The following PCDH15 variants were observed in gnomAD, a reference collection of about 807,000 sequenced individuals.
The protein encoded by PCDH15 is protocadherin-15.
PCDH15 carries 129 observed loss-of-function variants against 178.5 expected under a neutral mutation model. The ratio of observed to expected loss-of-function variants is 0.72; its 90% CI spans 0.63 to 0.84. PCDH15 has a LOEUF of 0.84. Among genes scored for constraint, PCDH15 ranks in the 40% least tolerant of loss-of-function variants. The pLI, the probability that PCDH15 is intolerant of heterozygous loss-of-function variation, is 0.00. For missense variants in PCDH15, 2,230 were observed against 2,099.9 expected (o/e 1.06, Z -1.21); for synonymous variants, 800 against 732.0 (o/e 1.09, Z -1.50).
chr10:54,414,154 A>T (rs887014709), intron 3 of PCDH15, among the ~76,000 whole-genome samples: 4 of 152,154 alleles, frequency 2.6e-5, no homozygotes, highest in Non-Finnish European at 4.4e-5. Context: ...ATTTGAAACC[A>T]TGTACTCATA....
chr10:54,231,147 A>G (rs12248220), intron 9 of PCDH15, among the ~76,000 whole-genome samples: 8,315 of 152,192 alleles, frequency 0.055, 560 homozygotes, highest in African/African-American at 0.17. Context: ...AGGCCTTGAG[A>G]CTTAGGAGGA....
intron 2 of PCDH15, among the ~76,000 whole-genome samples, chr10:55,394,683 A>T (rs2132017609): frequency 6.6e-6 from 1 of 151,796 alleles, no homozygotes; most frequent in East Asian, 1.9e-4. Context: ...CCAGTAGAAA[A>T]TTAAAAAAAA....
intron 1 of PCDH15, among the ~76,000 whole-genome samples, chr10:55,253,999 T>G (rs547281264): frequency 6.6e-6 from 1 of 152,290 alleles, no homozygotes; most frequent in Non-Finnish European, 1.5e-5. Context: ...TCTCTATCCT[T>G]TAAAAACGTT....
At chr10:54,867,509 T>A (rs1382618130) in intron 3 of PCDH15, among the ~76,000 whole-genome samples, 1 of 152,156 alleles carries the variant, frequency 6.6e-6, no homozygotes, top group Non-Finnish European at 1.5e-5. Context: ...GAGACACTCA[T>A]TATTTTTTAC....
intron 13 of PCDH15, among the ~76,000 whole-genome samples, chr10:54,163,492 G>A (rs1056520064): frequency 1.3e-5 from 2 of 152,018 alleles, no homozygotes; most frequent in Non-Finnish European, 1.5e-5. Context: ...CATGAGAATA[G>A]CATGGGAGAA....
chr10:54,804,040 A>T (rs921519665), upstream of PCDH15, among the ~76,000 whole-genome samples: 100 of 151,782 alleles, frequency 6.6e-4, 1 homozygote, highest in African/African-American at 1.9e-3. Context: ...TGTCAAAAAA[A>T]TTTTCTTTTT....
At chr10:55,328,690 C>T (rs1259427208) in intron 2 of PCDH15, among the ~76,000 whole-genome samples, 1 of 151,238 alleles carries the variant, frequency 6.6e-6, no homozygotes, top group East Asian at 1.9e-4. Context: ...TGAACACATA[C>T]AATTTATTGT....
At chr10:54,357,165 G>A (rs9415312) in intron 5 of PCDH15, among the ~76,000 whole-genome samples, 35,817 of 151,774 alleles carry the variant, frequency 0.24, 5,253 homozygotes, top group African/African-American at 0.42. Context: ...GGCCAGGGCA[G>A]TTAGGCAGGA....
chr10:55,254,579 A>C (rs1841937561), intron 1 of PCDH15, among the ~76,000 whole-genome samples: 1 of 152,324 alleles, frequency 6.6e-6, no homozygotes, highest in East Asian at 1.9e-4. Context: ...GACAGGACAT[A>C]GAAAAAAATA....
At chr10:54,646,633 G>C (rs2094135199) in intron 2 of PCDH15, among the ~76,000 whole-genome samples, 1 of 151,978 alleles carries the variant, frequency 6.6e-6, no homozygotes, top group African/African-American at 2.4e-5. Context: ...GATTGTATTG[G>C]ATCAGTAGGG....
chr10:54,364,637 A>T (rs559897194), intron 5 of PCDH15, among the ~76,000 whole-genome samples: 1 of 152,188 alleles, frequency 6.6e-6, no homozygotes, highest in East Asian at 1.9e-4. Flanking sequence ...TTATTTTGAC[A>T]GTTACTGAGA....
chr10:55,609,295 T>A (rs1389270890), intron 2 of PCDH15, among the ~76,000 whole-genome samples: 1 of 152,134 alleles, frequency 6.6e-6, no homozygotes, highest in Non-Finnish European at 1.5e-5. Flanking sequence ...AGATGAGAAA[T>A]TCAGAGGCAG....
chr10:54,092,683 C>G (rs954942647), intron 15 of PCDH15, among the ~76,000 whole-genome samples: 1 of 152,008 alleles, frequency 6.6e-6, no homozygotes, highest in Non-Finnish European at 1.5e-5. Flanking sequence ...GATATTTTTC[C>G]CTTGCATTCT....
At chr10:53,868,609 T>C (rs1386001283) in intron 26 of PCDH15, among the ~76,000 whole-genome samples, 1 of 152,124 alleles carries the variant, frequency 6.6e-6, no homozygotes, top group Admixed American at 6.5e-5. Context: ...ACATAATAAG[T>C]AGTAAAGTTG....
intron 1 of PCDH15, among the ~76,000 whole-genome samples, chr10:55,188,561 G>C (rs1839860283): frequency 6.6e-6 from 1 of 151,750 alleles, no homozygotes; most frequent in Non-Finnish European, 1.5e-5. Context: ...AACTATTTTT[G>C]TTAATTTGCT....
intron 8 of PCDH15, among the ~76,000 whole-genome samples, chr10:54,296,721 A>G (rs1218008119): frequency 6.6e-6 from 1 of 152,160 alleles, no homozygotes; most frequent in African/African-American, 2.4e-5. Context: ...AGCAGGCCTA[A>G]CAAAGGCTAT....
At chr10:55,321,627 A>G (rs1480223897), upstream of PCDH15, among the ~76,000 whole-genome samples, 1 of 152,216 alleles carries the variant, frequency 6.6e-6, no homozygotes, top group Admixed American at 6.5e-5. Flanking sequence ...TCACCTACAA[A>G]GGGAACCCCA....
rs552792145 is a variant in PCDH15 at position 54,664,224 on chromosome 10, T to C, written c.39A>G (p.Ser13=). 1 of 1,612,238 alleles carries C rather than the reference T, an allele frequency of 6.2e-7. No homozygotes were observed. Among genetic ancestry groups the C allele is most frequent in the African/African-American group, 1.3e-5 (1 of 74,960 alleles). ...CAAAGAGAGAGCCCAGGATGATCCC[T>C]GAAGCTAAACATGTCCAGAGATAAA... ...RQFYLWTCLA[S]GIILGSLFEI... is the part of the protein sequence containing the mutation. The change falls in exon 2 of 38, where the codon TCA becomes TCG. Residue 13 remains serine (S), a synonymous_variant. Transcript: ENST00000644397.
At chr10:54,222,204 T>C (rs1047282253) in intron 9 of PCDH15, among the ~76,000 whole-genome samples, 1 of 152,236 alleles carries the variant, frequency 6.6e-6, no homozygotes, top group African/African-American at 2.4e-5. Flanking sequence ...GATATGTCTA[T>C]GTCTAAATGT....
Sources: gnomAD v4.1 joint callset for allele counts (sites outside exome capture counted in the v4.1 genomes callset) on GRCh38, gnomAD v4.1.1 for gene constraint, MANE v1.5 for transcripts, NCBI Gene and HGNC (gene_info 2026-07-23, HGNC 2026-07-21) for gene names.